Variants in CNTN3 observed in about 807,000 individuals in gnomAD.
CNTN3 encodes the protein contactin-3.
Under a neutral mutation model 119.1 loss-of-function variants are expected in CNTN3, and 60 were observed. That is an observed-to-expected ratio of 0.50 (90% CI 0.41 to 0.62). CNTN3 has a LOEUF of 0.62. Ranked by LOEUF, CNTN3 falls within the 20% of genes least tolerant of loss-of-function variation. The probability of loss-of-function intolerance (pLI) is 0.00; values close to 1 mark genes in which losing one functional copy is unlikely to be tolerated. For missense variants in CNTN3, 1,101 were observed against 1,242.4 expected, an observed-to-expected ratio of 0.89 and a Z score of 1.71; for synonymous variants, 450 against 438.7, an observed-to-expected ratio of 1.03 and a Z score of -0.32.
intron 1 of CNTN3, among the ~76,000 whole-genome samples, chr3:74,598,729 C>T (rs1704853948): frequency 6.6e-6 from 1 of 151,950 alleles, no homozygotes; most frequent in African/African-American, 2.4e-5. Flanking sequence ...ACTAAGATAA[C>T]ATTAATTCTA....
chr3:74,322,232 T>G (rs1246277927), intron 13 of CNTN3, among the ~76,000 whole-genome samples: 1 of 147,506 alleles, frequency 6.8e-6, no homozygotes, highest in Non-Finnish European at 1.5e-5. Flanking sequence ...TTGGAGAACA[T>G]ATTTGCAAAA....
In CNTN3 at chr3:74,461,286, G is replaced by T. The variant is rs182028964; in HGVS notation, c.358+25170C>A. Among the ~76,000 whole-genome samples the T allele has an allele frequency of 4.5e-4, 68 of 152,042 alleles. No homozygotes were observed. In the East Asian group the frequency reaches 7.8e-3, roughly 17 times the overall value. ...TATTTTAAAAATCTGTAGCAGTTTT[G>T]CACTCCTCCTCCTCTTCCTTTGTTC... On this transcript the variant is annotated intron_variant, in intron 4 of 22. Coordinates refer to ENST00000263665, the MANE Select transcript of CNTN3 (RefSeq NM_020872.3).
rs183209416 is a variant in CNTN3 at position 74,290,129 on chromosome 3, T to C, written c.2518-4638A>G. On this transcript the variant is annotated intron_variant, in intron 19 of 22. Transcript: ENST00000263665. ...GTGTTACGATGACAGGGATACATTC[T>C]GAGAAATGTATCATTAGATGGTTGT... 2.0e-5 allele frequency among the ~76,000 whole-genome samples: 3 copies of C among 152,342 alleles called. No individual in the cohort carries two copies. The East Asian group carries it at 5.8e-4, about 29-fold the overall frequency.
chr3:74,574,615 G>T (rs1018438846), intron 1 of CNTN3, among the ~76,000 whole-genome samples: 5 of 152,158 alleles, frequency 3.3e-5, no homozygotes, highest in Admixed American at 3.3e-4. Flanking sequence ...AAGTCATGCT[G>T]TTTTTCTCTT....
At chr3:74,405,227 A>G (rs1024788988) in intron 5 of CNTN3, among the ~76,000 whole-genome samples, 1 of 152,070 alleles carries the variant, frequency 6.6e-6, no homozygotes, top group African/African-American at 2.4e-5. Context: ...ATGCCAAATG[A>G]ATAGACAGTT....
chr3:74,421,307 T>C (rs1432193720), intron 5 of CNTN3, among the ~76,000 whole-genome samples: 2 of 152,110 alleles, frequency 1.3e-5, no homozygotes, highest in East Asian at 3.9e-4. Context: ...TAGCTGGGAC[T>C]ACAGGTGTGC....
At chr3:74,466,539 T>A (rs1378814517) in intron 4 of CNTN3, among the ~76,000 whole-genome samples, 1 of 152,178 alleles carries the variant, frequency 6.6e-6, no homozygotes, top group Non-Finnish European at 1.5e-5. Flanking sequence ...TATAATTATA[T>A]GTCTTCTCAT....
Position 74,327,105 on chromosome 3 carries a change from C to CTTTTTTTTTTTTTTTTTTT in CNTN3, c.1668+7629_1668+7630insAAAAAAAAAAAAAAAAAAA, listed in dbSNP as rs1491284899. On this transcript the variant is annotated intron_variant, in intron 13 of 22. Coordinates refer to ENST00000263665, the MANE Select transcript of CNTN3 (RefSeq NM_020872.3). ...CTAAAGTAGCTTATGAAGGGTTAAT[C>CTTTTTTTTTTTTTTTTTTT]CTTTTTTTTTTTTTTTTTTTTTTTT... Among the ~76,000 whole-genome samples, 280 of 90,714 alleles carry CTTTTTTTTTTTTTTTTTTT rather than the reference C, an allele frequency of 3.1e-3. 1 individual carries two copies. The highest frequency in any genetic ancestry group is 4.0e-3 in the Non-Finnish European group (200 of 49,692). The allele number at this position is 90,714 out of a possible 152,430, so 59.5% of individuals were successfully genotyped here.
intron 1 of CNTN3, among the ~76,000 whole-genome samples, chr3:74,527,397 T>C (rs1364548097): frequency 1.3e-5 from 2 of 152,016 alleles, no homozygotes; most frequent in East Asian, 3.9e-4. Context: ...GTTGTATGTA[T>C]ATTGCAGTAG....
At chr3:74,555,196 T>C (rs1704051209) in intron 1 of CNTN3, among the ~76,000 whole-genome samples, 1 of 152,226 alleles carries the variant, frequency 6.6e-6, no homozygotes, top group South Asian at 2.1e-4. Flanking sequence ...ATTGGTTATG[T>C]TTATGTGATG....
chr3:74,611,470 T>C (rs1382566644), intron 1 of CNTN3, among the ~76,000 whole-genome samples: 1 of 152,208 alleles, frequency 6.6e-6, no homozygotes, highest in African/African-American at 2.4e-5. Context: ...TGTCCCACTG[T>C]GTTTAAGAGA....
At chr3:74,579,674 A>T (rs1416110894) in intron 1 of CNTN3, among the ~76,000 whole-genome samples, 2 of 152,152 alleles carry the variant, frequency 1.3e-5, no homozygotes, top group East Asian at 3.8e-4. Context: ...CCAAGGGTTA[A>T]ATTGGAAATT....
intron 11 of CNTN3, among the ~76,000 whole-genome samples, chr3:74,341,893 A>G (rs1703558242): frequency 6.6e-6 from 1 of 152,126 alleles, no homozygotes; most frequent in African/African-American, 2.4e-5. Flanking sequence ...TCTGATCATT[A>G]CGGTAATTTA....
chr3:74,549,980 T>C (rs1333304593), intron 1 of CNTN3, among the ~76,000 whole-genome samples: 1 of 152,176 alleles, frequency 6.6e-6, no homozygotes, highest in Non-Finnish European at 1.5e-5. Context: ...TGCCTGTTAA[T>C]GGTACATTAC....
At chr3:74,594,084 G>T (rs1704748724) in intron 1 of CNTN3, among the ~76,000 whole-genome samples, 1 of 151,776 alleles carries the variant, frequency 6.6e-6, no homozygotes, top group Non-Finnish European at 1.5e-5. Context: ...AAGAGATGGG[G>T]ATGCGCTGAG....
rs371009824 is a variant in CNTN3 at position 74,589,277 on chromosome 3, G to C, written c.-81+25114C>G. Among the ~76,000 whole-genome samples the C allele has an allele frequency of 9.2e-4, 139 of 151,820 alleles. 1 individual carries two copies. Among genetic ancestry groups the C allele is most frequent in the East Asian group, 3.3e-3 (17 of 5,150 alleles). ...ATTTACAAGAAAAAAACAAACAACC[G>C]CATCAAAAAGTGGGCAAAGGATATG... On this transcript the variant is annotated intron_variant, in intron 1 of 22. Coordinates refer to ENST00000263665, the MANE Select transcript of CNTN3 (RefSeq NM_020872.3).
At chr3:74,431,119 C>T (rs550640894) in intron 4 of CNTN3, among the ~76,000 whole-genome samples, 139 of 152,266 alleles carry the variant, frequency 9.1e-4, no homozygotes, top group African/African-American at 3.2e-3. Flanking sequence ...CTTTGATACA[C>T]GTCTGTTAAT....
chr3:74,339,997 C>T lies in CNTN3; in HGVS notation c.1365-3339G>A, dbSNP rs184747295. Among the ~76,000 whole-genome samples the T allele has an allele frequency of 2.3e-3, 349 of 152,030 alleles. 5 individuals are homozygous for T. The highest frequency in any genetic ancestry group is 6.2e-4 in the Non-Finnish European group (42 of 67,966). On this transcript the variant is annotated intron_variant, in intron 11 of 22. Coordinates refer to ENST00000263665, the MANE Select transcript of CNTN3 (RefSeq NM_020872.3). ...CTGCAGATTCTGTAGATTCAACCAA[C>T]CATAGATAGAATATATTTTAAAATA...
chr3:74,569,519 C>T (rs1354980191), intron 1 of CNTN3, among the ~76,000 whole-genome samples: 1 of 152,166 alleles, frequency 6.6e-6, no homozygotes. Flanking sequence ...AGAGAAAGCT[C>T]ACTCTCAACT....
Sources: allele counts gnomAD v4.1 joint callset (sites outside exome capture counted in the v4.1 genomes callset), GRCh38; gene constraint gnomAD v4.1.1; transcripts MANE v1.5; gene names NCBI Gene and HGNC (gene_info 2026-07-23, HGNC 2026-07-21).